FARP1: variants seen among roughly 807,000 people sequenced by gnomAD.
FARP1 encodes FERM, ARHGEF and pleckstrin domain-containing protein 1.
A neutral mutation model predicts 128.8 loss-of-function variants in FARP1; 52 were observed. The observed-to-expected ratio is 0.40, with a 90% CI of 0.32 to 0.51. The LOEUF (loss-of-function observed/expected upper bound fraction) is 0.51, where lower values mean the gene tolerates loss of function less well. Among genes scored for constraint, FARP1 ranks in the 20% least tolerant of loss-of-function variants. The pLI, the probability that FARP1 is intolerant of heterozygous loss-of-function variation, is 0.45. For synonymous variants in FARP1, 580 were observed against 551.8 expected (o/e 1.05, Z -0.72); for missense variants, 1,333 against 1,367.9 (o/e 0.97, Z 0.40).
At chr13:98,404,765 G>C (rs749612541) in intron 13 of FARP1, 4 of 152,114 alleles carry the variant, frequency 2.6e-5, no homozygotes, top group Admixed American at 2.0e-4. Flanking sequence ...TGAAGAAAAA[G>C]CATAGAAACT....
At chr13:98,250,832 G>C (rs187442351) in intron 2 of FARP1, among the ~76,000 whole-genome samples, 158 of 152,262 alleles carry the variant, frequency 1.0e-3, no homozygotes, top group Non-Finnish European at 1.8e-3. Context: ...CCTAAATTCT[G>C]TGTTGGTCAC....
intron 2 of FARP1, among the ~76,000 whole-genome samples, chr13:98,318,068 CT>C (rs35762706): frequency 0.19 from 19,965 of 104,076 alleles, 1,275 homozygotes; most frequent in Non-Finnish European, 0.23. Context: ...TCTCCTCCTC[CT>C]TTTTTTTTTT....
chr13:98,389,888 C>T (rs1890240948), intron 9 of FARP1, 69 bp from the exon 10 acceptor site: 2 of 1,483,284 alleles, frequency 1.3e-6, no homozygotes, highest in African/African-American at 1.4e-5. Context: ...TCTTCTGCCC[C>T]TTTTCTCCTA....
intron 2 of FARP1, among the ~76,000 whole-genome samples, chr13:98,270,526 G>A (rs756151678): frequency 3.7e-4 from 57 of 152,178 alleles, no homozygotes; most frequent in African/African-American, 6.3e-4. Context: ...TTTGTTGAAT[G>A]CTCATCCTGA....
intron 5 of FARP1, among the ~76,000 whole-genome samples, chr13:98,374,410 G>A (rs2139998606): frequency 6.6e-6 from 1 of 152,096 alleles, no homozygotes; most frequent in East Asian, 1.9e-4. Context: ...GGAAAACAGA[G>A]CAAGACTCTG....
chr13:98,287,992 G>C lies in FARP1; in HGVS notation c.172-55770G>C, dbSNP rs559147011. Among the ~76,000 whole-genome samples the C allele has an allele frequency of 2.6e-5, 4 of 152,088 alleles. No homozygotes were observed. The East Asian group carries it at 7.8e-4, about 30-fold the overall frequency. On this transcript the variant is annotated intron_variant, in intron 2 of 26. Coordinates refer to ENST00000319562, the MANE Select transcript of FARP1 (RefSeq NM_005766.4). ...AATTTTTGTAATTTTAGTAGAGACA[G>C]AGTTTCACCATCTTGGCCAGGATGG...
intron 2 of FARP1, among the ~76,000 whole-genome samples, chr13:98,249,118 C>T (rs1044385274): frequency 6.6e-6 from 1 of 152,106 alleles, no homozygotes; most frequent in Non-Finnish European, 1.5e-5. Context: ...TTCTCCTAGA[C>T]GCAACAGTTC....
chr13:98,358,638 T>G (rs1253748662), intron 3 of FARP1, among the ~76,000 whole-genome samples: 1 of 152,112 alleles, frequency 6.6e-6, no homozygotes, highest in Admixed American at 6.6e-5. Flanking sequence ...TTTTTTTGTT[T>G]CTTTCTTTTT....
intron 13 of FARP1, chr13:98,395,985 C>T (rs79754638): frequency 2.3e-5 from 9 of 399,080 alleles, no homozygotes; most frequent in Admixed American, 1.3e-4. Context: ...AAGACACTCT[C>T]CCGGACCAGG....
intron 2 of FARP1, among the ~76,000 whole-genome samples, chr13:98,275,981 T>C (rs953051166): frequency 6.6e-6 from 1 of 152,228 alleles, no homozygotes; most frequent in Admixed American, 6.5e-5. Context: ...ATGATGGATG[T>C]CATTATGGAA....
At chr13:98,446,031 A>C in intron 24 of FARP1, 67 bp from the exon 25 acceptor site, 1 of 1,065,790 alleles carries the variant, frequency 9.4e-7, no homozygotes, top group East Asian at 2.4e-5. Context: ...GTGCAGGGAG[A>C]GCTGCTCTCT....
At chr13:98,328,633 A>G (rs1887337350) in intron 2 of FARP1, 1 of 152,132 alleles carries the variant, frequency 6.6e-6, no homozygotes, top group South Asian at 2.1e-4. Context: ...TGGCCTTTTC[A>G]CTTAAAAGAA....
At chr13:98,443,912 G>GAAAGGA (rs1240861342) in intron 24 of FARP1, among the ~76,000 whole-genome samples, 1 of 7,236 alleles carries the variant, frequency 1.4e-4, no homozygotes, top group African/African-American at 1.9e-4. Flanking sequence ...CCAGGGAGTG[G>GAAAGGA]CGGGCACGGG....
chr13:98,315,356 C>G (rs1192638593), intron 2 of FARP1, among the ~76,000 whole-genome samples: 1 of 152,190 alleles, frequency 6.6e-6, no homozygotes, highest in Non-Finnish European at 1.5e-5. Flanking sequence ...TGCCCCGCCT[C>G]TGCCTCCCAA....
intron 1 of FARP1, chr13:98,177,072 T>C (rs1266509386): frequency 4.4e-6 from 7 of 1,596,940 alleles, no homozygotes; most frequent in African/African-American, 1.3e-5. Flanking sequence ...GCTGAGCCAC[T>C]GTGTCGCCCT....
chr13:98,373,533 G>GACACACAC (rs58658962), intron 5 of FARP1, among the ~76,000 whole-genome samples: 4,367 of 130,952 alleles, frequency 0.033, 81 homozygotes, highest in Non-Finnish European at 0.041. Context: ...CAGACAGACA[G>GACACACAC]ACACACACAC....
At chr13:98,386,952 C>G (rs367880112) in intron 8 of FARP1, among the ~76,000 whole-genome samples, 1 of 152,130 alleles carries the variant, frequency 6.6e-6, no homozygotes, top group South Asian at 2.1e-4. Flanking sequence ...GTATTCAAGG[C>G]GGATTTTTTC....
intron 2 of FARP1, among the ~76,000 whole-genome samples, chr13:98,236,953 T>C (rs1403327124): frequency 2.6e-5 from 4 of 152,054 alleles, no homozygotes; most frequent in African/African-American, 9.7e-5. Context: ...GACTGCGCCA[T>C]TGCACTCCAG....
At chr13:98,435,327 G>C (rs1245932151) in intron 18 of FARP1, 1 of 340,314 alleles carries the variant, frequency 2.9e-6, no homozygotes. Flanking sequence ...TCTAATTGAA[G>C]GACAGCTGTA....
Sources: allele counts gnomAD v4.1 joint callset (sites outside exome capture counted in the v4.1 genomes callset), GRCh38; gene constraint gnomAD v4.1.1; transcripts MANE v1.5; gene names NCBI Gene and HGNC (gene_info 2026-07-23, HGNC 2026-07-21).